Variants in CARMIL1 observed in about 807,000 individuals in gnomAD.
CARMIL1 encodes the protein capping protein regulator and myosin 1 linker 1.
CARMIL1 carries 90 observed loss-of-function variants against 177.1 expected under a neutral mutation model. The observed-to-expected ratio is 0.51, with a 90% CI of 0.43 to 0.61. The LOEUF (loss-of-function observed/expected upper bound fraction) is 0.61, where lower values mean the gene tolerates loss of function less well. Among genes scored for constraint, CARMIL1 ranks in the 20% least tolerant of loss-of-function variants. The pLI, the probability that CARMIL1 is intolerant of heterozygous loss-of-function variation, is 0.00. For synonymous variants in CARMIL1, 577 were observed against 606.2 expected (o/e 0.95, Z 0.71); for missense variants, 1,380 against 1,667.0 (o/e 0.83, Z 3.00).
chr6:25,284,589 G>A (rs1054447425), intron 1 of CARMIL1, among the ~76,000 whole-genome samples: 25 of 152,184 alleles, frequency 1.6e-4, no homozygotes, highest in African/African-American at 6.0e-4. Context: ...TGCGCCTGTA[G>A]TCTCAGCTGT....
chr6:25,490,750 TAAAAA>T (rs377733924), intron 13 of CARMIL1, among the ~76,000 whole-genome samples: 8 of 50,902 alleles, frequency 1.6e-4, no homozygotes, highest in African/African-American at 5.8e-4. Context: ...AATAAATAAA[TAAAAA>T]AAAATAAATG....
chr6:25,530,392 G>A (rs1225524146), intron 24 of CARMIL1, among the ~76,000 whole-genome samples: 1 of 152,098 alleles, frequency 6.6e-6, no homozygotes, highest in African/African-American at 2.4e-5. Context: ...GCACAGACCT[G>A]TAATCCCAAC....
intron 11 of CARMIL1, among the ~76,000 whole-genome samples, chr6:25,479,971 A>T (rs73734013): frequency 0.15 from 23,208 of 152,042 alleles, 2,145 homozygotes; most frequent in South Asian, 0.25. Context: ...TCTTATTGTT[A>T]TAATTCCTAT....
intron 29 of CARMIL1, among the ~76,000 whole-genome samples, chr6:25,576,572 A>G (rs999099829): frequency 1.3e-5 from 2 of 152,196 alleles, no homozygotes; most frequent in Non-Finnish European, 2.9e-5. Context: ...AGGAGCCAGG[A>G]CTTGCATGGG....
chr6:25,510,628 A>C (rs1257777932), intron 19 of CARMIL1, 22 bp downstream of exon 19: 1 of 1,519,008 alleles, frequency 6.6e-7, no homozygotes, highest in South Asian at 1.2e-5. Flanking sequence ...GAATTTTTTT[A>C]TATGACAATG....
In CARMIL1 at chr6:25,604,887, G is replaced by A. The variant is rs747674085; in HGVS notation, c.3628G>A (p.Gly1210Arg). 9 of 1,591,946 alleles carry A rather than the reference G, an allele frequency of 5.7e-6. No individual in the cohort carries two copies. Among genetic ancestry groups the A allele is most frequent in the South Asian group, 1.1e-5 (1 of 87,056 alleles). Residue 1210 changes from glycine to arginine, a missense_variant, in exon 34 of 37, where the codon GGG becomes AGG. By Grantham distance (125) the Gly-to-Arg change is moderately radical (BLOSUM62 -2). Transcript: ENST00000329474. The stretch of plus-strand genomic sequence containing the variant: ...CGGCGTAGAACGGTCGGATGGAGGT[G>A]GGGCAGGTAAGTCAGGCCATTGCCA... ...LSGVERSDGG[G>R]AVPKLHPGLP...
chr6:25,364,804 A>G (rs1202092543), intron 2 of CARMIL1, among the ~76,000 whole-genome samples: 1 of 152,124 alleles, frequency 6.6e-6, no homozygotes, highest in Non-Finnish European at 1.5e-5. Context: ...AGCTCAGGTG[A>G]TCCATCCGCC....
rs1475899212 is a variant in CARMIL1 at position 25,515,957 on chromosome 6, A to G, written c.1805+110A>G. 2.8e-6 allele frequency: 3 copies of G among 1,060,542 alleles called. No homozygotes were observed. Among genetic ancestry groups the G allele is most frequent in the Admixed American group, 2.8e-5 (1 of 35,270 alleles). The allele number at this position is 1,060,542 out of a possible 1,614,324, so 65.7% of individuals were successfully genotyped here. On this transcript the variant is annotated intron_variant, in intron 21 of 36. Coordinates refer to ENST00000329474, the MANE Select transcript of CARMIL1 (RefSeq NM_017640.6). The surrounding 1 kb of genome is among the most constrained non-coding windows in gnomAD (Gnocchi z 5.0). ...GGGGACCTGGGCTTCCCATGAGGCCATCTTGAGGAGAAGAGGTGACAATGT... is the reference window on the plus strand; with the variant it reads ...GGGGACCTGGGCTTCCCATGAGGCCGTCTTGAGGAGAAGAGGTGACAATGT...
intron 31 of CARMIL1, 73 bp downstream of exon 31, chr6:25,581,512 C>T (rs1024464400): frequency 8.0e-6 from 11 of 1,372,208 alleles, no homozygotes; most frequent in Non-Finnish European, 1.1e-5. Context: ...GAGGGTCTTG[C>T]TAAAGTGCTT....
chr6:25,588,709 T>C (rs1303654648), intron 31 of CARMIL1, among the ~76,000 whole-genome samples: 2 of 152,202 alleles, frequency 1.3e-5, no homozygotes, highest in African/African-American at 2.4e-5. Context: ...GGAAAAATCA[T>C]TGAAAAATTT....
intron 1 of CARMIL1, among the ~76,000 whole-genome samples, chr6:25,281,030 G>A (rs976622935): frequency 6.6e-6 from 1 of 151,972 alleles, no homozygotes; most frequent in African/African-American, 2.4e-5. Flanking sequence ...GCTGTTGCTA[G>A]GTTTGTATGG....
intron 2 of CARMIL1, among the ~76,000 whole-genome samples, chr6:25,414,080 C>T (rs148689080): frequency 2.0e-5 from 3 of 152,244 alleles, no homozygotes; most frequent in African/African-American, 7.2e-5. Context: ...GCTTTATCTG[C>T]ATTTGTATCT....
At chr6:25,566,184 C>T (rs968084812) in intron 29 of CARMIL1, among the ~76,000 whole-genome samples, 33 of 152,164 alleles carry the variant, frequency 2.2e-4, no homozygotes, top group African/African-American at 4.8e-5. Flanking sequence ...TGCAGTCAAT[C>T]GATCCCCTAT....
At chr6:25,596,195 A>C (rs921776289) in intron 32 of CARMIL1, among the ~76,000 whole-genome samples, 6 of 152,184 alleles carry the variant, frequency 3.9e-5, no homozygotes, top group Non-Finnish European at 7.3e-5. Flanking sequence ...TTTTTTATAA[A>C]GATACTGCTC....
chr6:25,584,569 CAAAG>C, intron 31 of CARMIL1, among the ~76,000 whole-genome samples: 1 of 151,732 alleles, frequency 6.6e-6, no homozygotes, highest in Admixed American at 6.6e-5. Flanking sequence ...AATGCAGACT[CAAAG>C]AAACAGGAGA....
At chr6:25,392,020 GT>G (rs549428800) in intron 2 of CARMIL1, among the ~76,000 whole-genome samples, 1 of 150,952 alleles carries the variant, frequency 6.6e-6, no homozygotes, top group South Asian at 2.1e-4. Flanking sequence ...ATCTTAGGCT[GT>G]TTTTTTGTGT....
intron 2 of CARMIL1, among the ~76,000 whole-genome samples, chr6:25,386,365 G>C (rs1792160154): frequency 6.6e-6 from 1 of 152,030 alleles, no homozygotes; most frequent in African/African-American, 2.4e-5. Flanking sequence ...TGATCCTCCT[G>C]CCTCAGCCTT....
At chr6:25,410,524 C>T (rs549166361) in intron 2 of CARMIL1, among the ~76,000 whole-genome samples, 10 of 152,298 alleles carry the variant, frequency 6.6e-5, no homozygotes, top group African/African-American at 2.2e-4. Flanking sequence ...AGCCAGTGCT[C>T]GTTGTCACTA....
In CARMIL1 at chr6:25,445,748, C is replaced by T. The variant is rs181923321; in HGVS notation, c.372-4150C>T. Among the ~76,000 whole-genome samples, 21 of 151,968 alleles carry T rather than the reference C, an allele frequency of 1.4e-4. No individual in the cohort carries two copies. In the East Asian group the frequency reaches 1.7e-3, roughly 13 times the overall value. ...AGAGATGGGGTTTCACCATGTTAGC[C>T]GGGATGGTCTCGATCTCCTGACCTC... On this transcript the variant is annotated intron_variant, in intron 5 of 36. Coordinates refer to ENST00000329474, the MANE Select transcript of CARMIL1 (RefSeq NM_017640.6).
Sources: allele counts gnomAD v4.1 joint callset (sites outside exome capture counted in the v4.1 genomes callset), GRCh38; gene constraint gnomAD v4.1.1; non-coding constraint Gnocchi (gnomAD v3.1); transcripts MANE v1.5; gene names NCBI Gene and HGNC (gene_info 2026-07-23, HGNC 2026-07-21).